CD99L2: variants seen among roughly 807,000 people sequenced by gnomAD.
CD99L2 encodes CD99 antigen-like protein 2.
A neutral mutation model predicts 27.3 loss-of-function variants in CD99L2; 24 were observed. The ratio of observed to expected loss-of-function variants is 0.88; its 90% CI spans 0.64 to 1.24. The LOEUF (loss-of-function observed/expected upper bound fraction) is 1.24. Among genes scored for constraint, CD99L2 ranks in the 50% most tolerant of loss-of-function variants. The probability of loss-of-function intolerance (pLI) is 0.00; values close to 1 mark genes in which losing one functional copy is unlikely to be tolerated. For synonymous variants in CD99L2, 97 were observed against 87.9 expected (o/e 1.10, Z -0.58); for missense variants, 255 against 221.6 (o/e 1.15, Z -0.96).
At chrX:150,891,202 T>C (rs1569566176) in intron 1 of CD99L2, among the ~76,000 whole-genome samples, 1 of 112,642 alleles carries the variant, frequency 8.9e-6, no homozygotes, top group Non-Finnish European at 1.9e-5. Flanking sequence ...GTTTTGGCTA[T>C]AACAAAATAT....
At chrX:150,868,326 G>A (rs2047103412) in intron 1 of CD99L2, among the ~76,000 whole-genome samples, 1 of 109,717 alleles carries the variant, frequency 9.1e-6, no homozygotes, top group Non-Finnish European at 1.9e-5. Context: ...TCAGGAGCTC[G>A]AGACCAGCCT....
intron 3 of CD99L2, 79 bp from the exon 4 acceptor site, chrX:150,815,015 C>T (rs1557420442): frequency 9.8e-6 from 10 of 1,025,322 alleles, no homozygotes; most frequent in Non-Finnish European, 1.2e-5. Context: ...AAGCAAAATG[C>T]CCATGGGTTC....
chrX:150,893,041 T>C (rs1425234814), intron 1 of CD99L2, among the ~76,000 whole-genome samples: 1 of 111,544 alleles, frequency 9.0e-6, no homozygotes, highest in Non-Finnish European at 1.9e-5. Flanking sequence ...GGAGAATCGC[T>C]TGAACCTGGG....
chrX:150,768,876 C>T lies in CD99L2; in HGVS notation c.*158G>A. ...CACGCTTGGGGCAGGGCAGAGAAAC[C>T]AAACTCACAAACACCCAGAGCTCAT... On this transcript the variant is annotated 3_prime_UTR_variant, in exon 11 of 11. Transcript: ENST00000370377. The T allele has an allele frequency of 9.7e-7, 1 of 1,030,697 alleles. No homozygotes were observed. The highest frequency in any genetic ancestry group is 3.8e-5 in the East Asian group (1 of 26,626). 84.9% of individuals were successfully genotyped at this position (1,030,697 alleles called of 1,213,427 possible). A position where few individuals can be genotyped will look rare whatever the true frequency, so the allele number is the denominator to read the frequency against.
chrX:150,874,947 G>C (rs1417144246), intron 1 of CD99L2, among the ~76,000 whole-genome samples: 3 of 111,468 alleles, frequency 2.7e-5, no homozygotes, highest in African/African-American at 9.8e-5. Flanking sequence ...ACTCAGAGTG[G>C]CTCCCAAGCT....
chrX:150,774,463 C>T (rs1224410670), intron 9 of CD99L2, among the ~76,000 whole-genome samples: 1 of 111,609 alleles, frequency 9.0e-6, no homozygotes, highest in East Asian at 2.8e-4. Context: ...GATCCCTGGC[C>T]GTGGGGAAGG....
chrX:150,825,995 T>C (rs1480106736), intron 2 of CD99L2, among the ~76,000 whole-genome samples: 2 of 111,729 alleles, frequency 1.8e-5, no homozygotes, highest in East Asian at 5.6e-4. Flanking sequence ...ACCCCCATAC[T>C]GATGGTATTC....
At chrX:150,873,321 A>G (rs1557422236) in intron 1 of CD99L2, among the ~76,000 whole-genome samples, 1 of 112,314 alleles carries the variant, frequency 8.9e-6, no homozygotes. Flanking sequence ...AAAAAGCCAC[A>G]TACGGTATGA....
intron 7 of CD99L2, among the ~76,000 whole-genome samples, chrX:150,785,615 C>T (rs1010232376): frequency 1.3e-4 from 15 of 111,404 alleles, no homozygotes; most frequent in African/African-American, 4.9e-4. Context: ...CAGAGCATAA[C>T]CATCATGCCA....
rs920114513 is a variant in CD99L2 at position 150,783,404 on chromosome X, T to C, written c.497-5922A>G. ...ACTGATCATAGTCAGTACCGTCCCCTTTAACCCTGTGAACTACAAGTGAGG... is the reference window on the plus strand; with the variant it reads ...ACTGATCATAGTCAGTACCGTCCCCCTTAACCCTGTGAACTACAAGTGAGG... On this transcript the variant is annotated intron_variant, in intron 7 of 10. Coordinates refer to ENST00000370377, the MANE Select transcript of CD99L2 (RefSeq NM_031462.4). Among the ~76,000 whole-genome samples the C allele has an allele frequency of 2.7e-5, 3 of 111,415 alleles. No individual in the cohort carries two copies. The Admixed American group carries it at 2.9e-4, about 11-fold the overall frequency.
At chrX:150,774,514 C>A in intron 9 of CD99L2, among the ~76,000 whole-genome samples, 1 of 112,102 alleles carries the variant, frequency 8.9e-6, no homozygotes, top group East Asian at 2.8e-4. Flanking sequence ...CCATCTCGTT[C>A]CAATCCACCT....
chrX:150,894,938 T>C (rs1037149998), intron 1 of CD99L2, among the ~76,000 whole-genome samples: 1 of 111,704 alleles, frequency 9.0e-6, no homozygotes, highest in Non-Finnish European at 1.9e-5. Flanking sequence ...ATTACCTGCA[T>C]GATCCCTGAA....
chrX:150,849,806 C>T (rs1557421557), intron 1 of CD99L2, among the ~76,000 whole-genome samples: 1 of 111,758 alleles, frequency 8.9e-6, no homozygotes, highest in Non-Finnish European at 1.9e-5. Context: ...TCATTCCACA[C>T]CACAAATCTT....
At chrX:150,895,186 T>C (rs1024785505) in intron 1 of CD99L2, among the ~76,000 whole-genome samples, 2 of 110,864 alleles carry the variant, frequency 1.8e-5, no homozygotes, top group East Asian at 5.7e-4. Context: ...GGGCCTGGCA[T>C]ATAGGTGTTC....
intron 1 of CD99L2, among the ~76,000 whole-genome samples, chrX:150,855,940 GC>G (rs2046878944): frequency 8.9e-6 from 1 of 111,863 alleles, no homozygotes. Flanking sequence ...TGTAATGGCA[GC>G]CCCAGGAAAC....
chrX:150,885,472 TAC>T (rs1423043476), intron 1 of CD99L2, among the ~76,000 whole-genome samples: 6 of 112,448 alleles, frequency 5.3e-5, no homozygotes, highest in Admixed American at 1.9e-4. Flanking sequence ...GAAAACTATA[TAC>T]AGTTTGATGC....
chrX:150,824,552 AAG>A (rs2046328753), intron 2 of CD99L2, among the ~76,000 whole-genome samples: 1 of 91,171 alleles, frequency 1.1e-5, no homozygotes, highest in Non-Finnish European at 2.2e-5. Context: ...AAGAAGGAAG[AAG>A]AAGAAAGAAG....
chrX:150,828,101 A>G (rs185814691), intron 2 of CD99L2, among the ~76,000 whole-genome samples: 67 of 111,732 alleles, frequency 6.0e-4, no homozygotes, highest in African/African-American at 2.1e-3. Context: ...GGCTATTCTG[A>G]GTCCTTTGAA....
At position 150,806,613 on chromosome X, in the gene CD99L2, G is replaced by A. The variant is rs782745575; in HGVS notation, c.277+8249C>T. Among the ~76,000 whole-genome samples, 8 of 112,283 alleles carry A rather than the reference G, an allele frequency of 7.1e-5. No homozygotes were observed. The East Asian group carries it at 1.4e-3, about 20-fold the overall frequency. ...TTCGGAAAAATGGCAGTAGAAGGCC[G>A]GGCGTGAAGGCTCAAGCCTGTAATC... is the stretch of plus-strand genomic sequence containing the variant. On this transcript the variant is annotated intron_variant, in intron 4 of 10. Coordinates refer to ENST00000370377, the MANE Select transcript of CD99L2 (RefSeq NM_031462.4).
Sources: gnomAD v4.1 joint callset for allele counts (sites outside exome capture counted in the v4.1 genomes callset) on GRCh38, gnomAD v4.1.1 for gene constraint, MANE v1.5 for transcripts, NCBI Gene and HGNC (gene_info 2026-07-23, HGNC 2026-07-21) for gene names.